ENTREP2: variants seen among roughly 807,000 people sequenced by gnomAD.
ENTREP2 encodes protein ENTREP2.
At chr15:29,336,298 C>A in the ENTREP2 span, among the ~76,000 whole-genome samples, 3 of 151,898 alleles carry the variant, frequency 2.0e-5, no homozygotes, top group Admixed American at 2.0e-4. Flanking sequence ...AGACAGAAAA[C>A]CAACATTAAT....
At chr15:29,563,866 A>C in the ENTREP2 span, among the ~76,000 whole-genome samples, 1 of 151,712 alleles carries the variant, frequency 6.6e-6, no homozygotes, top group Admixed American at 6.6e-5. Context: ...TAAATAAATA[A>C]GTAAAATAAA....
chr15:29,262,843 C>G, the ENTREP2 span, among the ~76,000 whole-genome samples: 3 of 152,250 alleles, frequency 2.0e-5, no homozygotes, highest in South Asian at 4.2e-4. Context: ...AAGCCCTCAT[C>G]CTGTGGGATC....
At chr15:29,129,714 T>TA in the ENTREP2 span, among the ~76,000 whole-genome samples, 1 of 152,150 alleles carries the variant, frequency 6.6e-6, no homozygotes, top group Non-Finnish European at 1.5e-5. Context: ...AGGGGAAGGC[T>TA]ATACCTCCTC....
the ENTREP2 span, among the ~76,000 whole-genome samples, chr15:29,333,402 C>T: frequency 6.6e-6 from 1 of 152,160 alleles, no homozygotes; most frequent in Non-Finnish European, 1.5e-5. Flanking sequence ...GCCTGGCCAG[C>T]AGTCCAGAGA....
chr15:29,509,279 A>C, the ENTREP2 span, among the ~76,000 whole-genome samples: 1 of 152,238 alleles, frequency 6.6e-6, no homozygotes, highest in Non-Finnish European at 1.5e-5. Flanking sequence ...AAAACATTCC[A>C]CATTCATGGA....
the ENTREP2 span, among the ~76,000 whole-genome samples, chr15:29,443,046 G>A: frequency 2.3e-3 from 347 of 152,304 alleles, 5 homozygotes; most frequent in Middle Eastern, 0.01. Flanking sequence ...GAGGGAAGCC[G>A]CATGTTTTCA....
At chr15:29,235,079 C>A in the ENTREP2 span, 1 of 1,086,266 alleles carries the variant, frequency 9.2e-7, no homozygotes, top group Non-Finnish European at 1.4e-6. Context: ...GTCCTCCAGC[C>A]CGAGGGACCT....
At chr15:29,638,317 G>C in the ENTREP2 span, among the ~76,000 whole-genome samples, 2 of 152,146 alleles carry the variant, frequency 1.3e-5, no homozygotes, top group African/African-American at 4.8e-5. Flanking sequence ...GGTTTATCCT[G>C]AACACCACTG....
the ENTREP2 span, among the ~76,000 whole-genome samples, chr15:29,306,693 T>C: frequency 1.5e-5 from 1 of 65,194 alleles, no homozygotes; most frequent in African/African-American, 1.0e-4. Flanking sequence ...TTTTTTTTTT[T>C]TTTTTTTTTT....
the ENTREP2 span, among the ~76,000 whole-genome samples, chr15:29,480,856 G>A: frequency 6.6e-6 from 1 of 152,172 alleles, no homozygotes; most frequent in African/African-American, 2.4e-5. Context: ...TAACAGCTGG[G>A]CAATGTGGAG....
the ENTREP2 span, among the ~76,000 whole-genome samples, chr15:29,554,304 G>C: frequency 0.048 from 6,889 of 142,940 alleles, 574 homozygotes; most frequent in African/African-American, 0.17. Context: ...GACAGAGCGA[G>C]ACTCCGTCTC....
chr15:29,223,276 G>A, the ENTREP2 span, among the ~76,000 whole-genome samples: 1 of 152,198 alleles, frequency 6.6e-6, no homozygotes. Context: ...TCACTAGGCC[G>A]TGGGTGGCAG....
chr15:29,216,438 G>A, the ENTREP2 span, among the ~76,000 whole-genome samples: 1 of 152,158 alleles, frequency 6.6e-6, no homozygotes, highest in East Asian at 1.9e-4. Flanking sequence ...TGATGACAAT[G>A]TACCTAGGTG....
the ENTREP2 span, chr15:29,196,497 T>A: frequency 6.4e-7 from 1 of 1,551,648 alleles, no homozygotes; most frequent in Non-Finnish European, 8.7e-7. Context: ...CTCCCCGAGG[T>A]TGCTGCAGCC....
chr15:29,210,594 G>T, the ENTREP2 span, among the ~76,000 whole-genome samples: 1 of 152,200 alleles, frequency 6.6e-6, no homozygotes, highest in Non-Finnish European at 1.5e-5. Context: ...CTGATGATCT[G>T]AGGTGGAACA....
the ENTREP2 span, among the ~76,000 whole-genome samples, chr15:29,487,238 G>C: frequency 6.6e-6 from 1 of 152,160 alleles, no homozygotes; most frequent in African/African-American, 2.4e-5. Context: ...TGGGAATGTA[G>C]ACAGCCATGT....
At chr15:29,146,847 A>T in the ENTREP2 span, among the ~76,000 whole-genome samples, 2 of 152,102 alleles carry the variant, frequency 1.3e-5, no homozygotes, top group South Asian at 4.1e-4. Context: ...AGGCAGGAGA[A>T]TTGCTTGAAC....
chr15:29,520,129 C>T, the ENTREP2 span, among the ~76,000 whole-genome samples: 65 of 152,292 alleles, frequency 4.3e-4, no homozygotes, highest in Middle Eastern at 3.4e-3. Flanking sequence ...CACATGGATG[C>T]GCATGACGGG....
the ENTREP2 span, among the ~76,000 whole-genome samples, chr15:29,393,210 C>T: frequency 4.6e-5 from 7 of 152,202 alleles, no homozygotes; most frequent in Non-Finnish European, 7.3e-5. Flanking sequence ...AAGTGTTTGA[C>T]TGTGCATGCA....
Sources: allele counts gnomAD v4.1 joint callset (sites outside exome capture counted in the v4.1 genomes callset), GRCh38; gene constraint gnomAD v4.1.1; transcripts MANE v1.5; gene names NCBI Gene and HGNC (gene_info 2026-07-23, HGNC 2026-07-21).